The following PLPP4 variants were observed in gnomAD, a reference collection of about 807,000 sequenced individuals.
PLPP4 encodes phospholipid phosphatase 4.
In PLPP4, 20 loss-of-function variants were observed where a neutral mutation model predicts 32.2. The observed-to-expected ratio is 0.62, with a 90% CI of 0.44 to 0.90. PLPP4 has a LOEUF of 0.90. Ranked by LOEUF, PLPP4 falls within the 40% of genes least tolerant of loss-of-function variation. The pLI, the probability that PLPP4 is intolerant of heterozygous loss-of-function variation, is 0.00. For missense variants in PLPP4, 257 were observed against 353.1 expected (o/e 0.73, Z 2.18); for synonymous variants, 127 against 133.0 (o/e 0.95, Z 0.31).
intron 5 of PLPP4, among the ~76,000 whole-genome samples, chr10:120,553,162 C>G (rs1847988312): frequency 6.6e-6 from 1 of 152,170 alleles, no homozygotes; most frequent in African/African-American, 2.4e-5. Context: ...GCCTCTTACT[C>G]TTTCTCAGTT....
intron 2 of PLPP4, 73 bp from the exon 3 acceptor site, chr10:120,513,838 G>T: frequency 8.8e-7 from 1 of 1,140,074 alleles, no homozygotes; most frequent in Non-Finnish European, 1.3e-6. Flanking sequence ...AAACTAACGG[G>T]AACTAATTAT....
rs540646226 is a variant in PLPP4, at chr10:120,530,269, C to G, written c.445+9174C>G. Among the ~76,000 whole-genome samples the G allele has an allele frequency of 1.5e-3, 231 of 152,294 alleles. 1 individual carries two copies. The highest frequency in any genetic ancestry group is 0.014 in the Middle Eastern group (4 of 294). ...ATATTTCCATAACACCGAAATCTCT[C>G]TTATGTCCATGTCCAGTCAATCTTC... On this transcript the variant is annotated intron_variant, in intron 5 of 6. Coordinates refer to ENST00000398250, the MANE Select transcript of PLPP4 (RefSeq NM_001030059.3).
intron 1 of PLPP4, among the ~76,000 whole-genome samples, chr10:120,484,258 C>G (rs1844340739): frequency 6.6e-6 from 1 of 152,128 alleles, no homozygotes; most frequent in Non-Finnish European, 1.5e-5. Context: ...TCCCTTTTAC[C>G]TAACAGTATA....
chr10:120,546,475 G>A (rs1359172991), intron 5 of PLPP4, among the ~76,000 whole-genome samples: 3 of 152,054 alleles, frequency 2.0e-5, no homozygotes, highest in Non-Finnish European at 2.9e-5. Context: ...AACTCGCTGG[G>A]GAATTCTAAC....
At chr10:120,488,657 G>C (rs375127582) in intron 1 of PLPP4, among the ~76,000 whole-genome samples, 81 of 152,306 alleles carry the variant, frequency 5.3e-4, no homozygotes, top group African/African-American at 1.8e-3. Flanking sequence ...AGTCCAACAT[G>C]CTGCTAACTA....
chr10:120,470,925 C>G (rs1848493631), intron 1 of PLPP4, among the ~76,000 whole-genome samples: 1 of 152,076 alleles, frequency 6.6e-6, no homozygotes, highest in Non-Finnish European at 1.5e-5. Context: ...AATTTCCTAA[C>G]CTTTAAGCCA....
chr10:120,539,803 G>T (rs1041516270), intron 5 of PLPP4, among the ~76,000 whole-genome samples: 5 of 152,000 alleles, frequency 3.3e-5, no homozygotes, highest in African/African-American at 1.2e-4. Context: ...ATATAATTTT[G>T]GGAGGAGTGA....
chr10:120,516,853 C>T (rs7097283), intron 3 of PLPP4, among the ~76,000 whole-genome samples: 131,107 of 152,190 alleles, frequency 0.86, 57,886 homozygotes, highest in Non-Finnish European at 0.95. Flanking sequence ...CATTGATCCC[C>T]GGAGGGTTGT....
chr10:120,503,617 G>C (rs1443927901), intron 1 of PLPP4: 1 of 1,609,306 alleles, frequency 6.2e-7, no homozygotes, highest in Non-Finnish European at 8.5e-7. Flanking sequence ...AGTGATGGAA[G>C]AGTCTGCAAA....
At chr10:120,578,392 T>C (rs12764385) in intron 6 of PLPP4, among the ~76,000 whole-genome samples, 65,485 of 152,072 alleles carry the variant, frequency 0.43, 14,700 homozygotes, top group Non-Finnish European at 0.5. Context: ...CCATCCATCA[T>C]GGTGAGAATT....
rs529150183 is a variant in PLPP4, at chr10:120,520,955, A to G, written c.321-16A>G. The G allele has an allele frequency of 9.9e-6, 16 of 1,614,026 alleles. No individual in the cohort carries two copies. The highest frequency in any genetic ancestry group is 6.7e-5 in the East Asian group (3 of 44,870). On this transcript the variant is annotated splice_polypyrimidine_tract_variant and intron_variant, in intron 4 of 6. Transcript: ENST00000398250. ...GCAGCATTTTATATTGAAAATGTCC[A>G]TGGTGTCTTTTGTAGACCTCGCCCC...
intron 5 of PLPP4, among the ~76,000 whole-genome samples, chr10:120,563,179 C>T (rs555230451): frequency 1.6e-4 from 24 of 152,268 alleles, no homozygotes; most frequent in South Asian, 2.1e-4. Flanking sequence ...GCAGAGGTCG[C>T]GGTGTGCGGA....
intron 1 of PLPP4, among the ~76,000 whole-genome samples, chr10:120,497,345 G>T (rs2478422): frequency 0.15 from 22,550 of 151,884 alleles, 2,168 homozygotes; most frequent in African/African-American, 0.27. Flanking sequence ...TGGTTAATTT[G>T]AGTGGATTAT....
Position 120,551,486 on chromosome 10 carries a change from AATAGGAGAATGG to A in PLPP4, c.446-23640_446-23629del, listed in dbSNP as rs368645622. 4.1e-3 allele frequency among the ~76,000 whole-genome samples: 620 copies of A among 152,344 alleles called. 4 individuals are homozygous for A. The highest frequency in any genetic ancestry group is 0.014 in the African/African-American group (587 of 41,576). On this transcript the variant is annotated intron_variant, in intron 5 of 6. Coordinates refer to ENST00000398250, the MANE Select transcript of PLPP4 (RefSeq NM_001030059.3). ...AACTAGAAACAACCCAAAGTTAATC[AATAGGAGAATGG>A]ATAGCAATTAAAAGGAACAAACTAC...
At position 120,533,621 on chromosome 10, in the gene PLPP4, C is replaced by T. The variant is rs566136191; in HGVS notation, c.445+12526C>T. Among the ~76,000 whole-genome samples, 142 of 152,182 alleles carry T rather than the reference C, an allele frequency of 9.3e-4. 4 individuals carry two copies. In the South Asian group the frequency reaches 0.028, roughly 30 times the overall value. ...CCAAGGTCACATTTTTCCTATATAG[C>T]TCTCTTGCCTCCTCCCTATTTTCAT... is the stretch of plus-strand genomic sequence containing the variant. On this transcript the variant is annotated intron_variant, in intron 5 of 6. Transcript: ENST00000398250.
intron 5 of PLPP4, among the ~76,000 whole-genome samples, chr10:120,540,210 A>G (rs1847274876): frequency 6.6e-6 from 1 of 152,158 alleles, no homozygotes; most frequent in Non-Finnish European, 1.5e-5. Context: ...ACAGCTGCCC[A>G]GCTCTCCCCA....
intron 5 of PLPP4, among the ~76,000 whole-genome samples, chr10:120,571,795 T>G (rs894917369): frequency 6.6e-6 from 1 of 151,994 alleles, no homozygotes; most frequent in African/African-American, 2.4e-5. Flanking sequence ...AAAACAGGAG[T>G]GCAGAGAACC....
At chr10:120,555,506 A>T (rs1486787132) in intron 5 of PLPP4, among the ~76,000 whole-genome samples, 5 of 152,190 alleles carry the variant, frequency 3.3e-5, no homozygotes, top group Non-Finnish European at 7.3e-5. Context: ...CAGCATCCAT[A>T]CTTTTTAGTT....
chr10:120,478,696 T>G (rs1844046377), intron 1 of PLPP4, among the ~76,000 whole-genome samples: 1 of 152,254 alleles, frequency 6.6e-6, no homozygotes, highest in Admixed American at 6.5e-5. Flanking sequence ...CCTTTTTCCC[T>G]TGGTTTTATG....
Sources: allele counts gnomAD v4.1 joint callset (sites outside exome capture counted in the v4.1 genomes callset), GRCh38; gene constraint gnomAD v4.1.1; transcripts MANE v1.5; gene names NCBI Gene and HGNC (gene_info 2026-07-23, HGNC 2026-07-21).